Variants in ZNF585B observed in about 807,000 individuals in gnomAD.
ZNF585B encodes zinc finger protein 585B.
A neutral mutation model predicts 14.0 loss-of-function variants in ZNF585B; 7 were observed. That is an observed-to-expected ratio of 0.50 (90% confidence interval 0.28 to 0.94). ZNF585B has a LOEUF of 0.94. ZNF585B is among the 40% of genes least tolerant of loss of function. ZNF585B has a pLI of 0.09. For missense variants in ZNF585B, 750 were observed against 924.4 expected, an observed-to-expected ratio of 0.81 and a Z score of 2.45; for synonymous variants, 290 against 317.3, an observed-to-expected ratio of 0.91 and a Z score of 0.91.
rs2145429819 is a variant in ZNF585B, at chr19:37,185,665, A to T, written c.1872T>A (p.His624Gln). The T allele has an allele frequency of 1.2e-6, 2 of 1,613,508 alleles. No individual in the cohort carries two copies. The highest frequency in any genetic ancestry group is 1.7e-6 in the Non-Finnish European group (2 of 1,179,818). Residue 624 changes from histidine to glutamine, a missense_variant, in exon 5 of 5, where the codon CAT (histidine) becomes CAA (glutamine). Around this residue, in one of 2 missense-constraint regions of ZNF585B, gnomAD observed 233 missense variants for 354.1 expected, o/e 0.66. Coordinates refer to ENST00000532828, the MANE Select transcript of ZNF585B (RefSeq NM_152279.4). ...GTTTCTCTCCTGTGTGAACTGGCTGATGCACCAGGAGCTGAGACTTGGAGG... is the reference window on the plus strand; with the variant it reads ...GTTTCTCTCCTGTGTGAACTGGCTGTTGCACCAGGAGCTGAGACTTGGAGG... Reference protein sequence around the residue: ...SFTSKSQLLVHQPVHTGEKPY... With the variant: ...SFTSKSQLLVQQPVHTGEKPY...
At chr19:37,197,520 G>C (rs1294906501) in intron 2 of ZNF585B, among the ~76,000 whole-genome samples, 1 of 152,074 alleles carries the variant, frequency 6.6e-6, no homozygotes, top group Non-Finnish European at 1.5e-5. Context: ...TGGGTCAAAT[G>C]GTAATTCTAG....
At chr19:37,199,625 T>A (rs1341376076) in intron 2 of ZNF585B, 1 of 278,552 alleles carries the variant, frequency 3.6e-6, no homozygotes, top group Middle Eastern at 4.3e-4. Flanking sequence ...GCAAAAAGGA[T>A]AAAACAAAAA....
At position 37,186,560 on chromosome 19, in the gene ZNF585B, T is replaced by C. The variant is rs759652015; in HGVS notation, c.977A>G (p.Tyr326Cys). 9.3e-6 allele frequency: 15 copies of C among 1,614,138 alleles called. No individual in the cohort carries two copies. The highest frequency in any genetic ancestry group is 8.9e-5 in the East Asian group (4 of 44,898). ...GACCTTCCCATATTCGGTACATATA[T>C]AGGGCTTCACTCTTGTGTGAACACG... is the stretch of plus-strand genomic sequence containing the variant. ...HQRVHTRVKP[Y>C]ICTEYGKVFS... is the part of the protein sequence containing the mutation. The change falls in exon 5 of 5, where the codon TAT (tyrosine) becomes TGT (cysteine). Residue 326 changes from tyrosine to cysteine, a missense_variant. By Grantham distance (194) the Tyr-to-Cys change is radical (BLOSUM62 -2). Around this residue, in one of 2 missense-constraint regions of ZNF585B, gnomAD observed 517 missense variants for 570.3 expected, o/e 0.91. Transcript: ENST00000532828.
At chr19:37,199,404 A>T (rs1027616446) in intron 2 of ZNF585B, 7 of 420,444 alleles carry the variant, frequency 1.7e-5, no homozygotes, top group Non-Finnish European at 2.8e-5. Context: ...GCGTACCTGT[A>T]GTCCCAGCTA....
rs373787603 is a variant in ZNF585B at position 37,189,620 on chromosome 19, C to G, written c.292+41G>C. On this transcript the variant is annotated intron_variant, in intron 4 of 4. Transcript: ENST00000532828. ...CAAGACAGCTGAGATTTCCTCCTGT[C>G]TCCCATCTAACCTGAGTCACATTCA... 4.2e-4 allele frequency: 677 copies of G among 1,607,708 alleles called. 3 individuals carry two copies. The Middle Eastern group carries it at 0.013, about 30-fold the overall frequency.
chr19:37,198,920 T>C (rs1406656945), intron 2 of ZNF585B: 20 of 1,359,698 alleles, frequency 1.5e-5, no homozygotes, highest in Non-Finnish European at 2.0e-5. Context: ...TATGTAAAAT[T>C]ATGATTTTTG....
intron 2 of ZNF585B, among the ~76,000 whole-genome samples, chr19:37,194,622 A>C (rs2145437364): frequency 6.6e-6 from 1 of 152,292 alleles, no homozygotes; most frequent in East Asian, 1.9e-4. Context: ...TCAAAAACAA[A>C]CAAACAAACA....
In ZNF585B at chr19:37,186,502, C is replaced by T; in HGVS notation, c.1035G>A (p.Glu345=). 6.2e-7 allele frequency: 1 copy of T among 1,614,180 alleles called. No individual in the cohort carries two copies. The highest frequency in any genetic ancestry group is 8.5e-7 in the Non-Finnish European group (1 of 1,180,034). ...FSNNSNLITH[E]KIQSREKSSI... Reference sequence around the variant, plus strand: ...AAGATTTCTCTCTACTTTGAATCTTCTCATGTGTAATGAGGTTGGAATTAT... The same window carrying T: ...AAGATTTCTCTCTACTTTGAATCTTTTCATGTGTAATGAGGTTGGAATTAT... Residue 345 remains glutamate, a synonymous_variant, in exon 5 of 5, where the codon GAG becomes GAA. Coordinates refer to ENST00000532828, the MANE Select transcript of ZNF585B (RefSeq NM_152279.4).
In ZNF585B at chr19:37,186,168, T is replaced by C; in HGVS notation, c.1369A>G (p.Lys457Glu). 1 of 1,614,184 alleles carries C rather than the reference T, an allele frequency of 6.2e-7. No individual in the cohort carries two copies. The highest frequency in any genetic ancestry group is 8.5e-7 in the Non-Finnish European group (1 of 1,180,026). ...FTSKSQLHVHKRIHTGEKPYV... is the reference protein window; with the variant it reads ...FTSKSQLHVHERIHTGEKPYV... Reference sequence around the variant, plus strand: ...GGCTTTTCTCCTGTGTGAATTCGTTTATGAACATGGAGTTGTGACTTGGAA... The same window carrying C: ...GGCTTTTCTCCTGTGTGAATTCGTTCATGAACATGGAGTTGTGACTTGGAA... The change falls in exon 5 of 5, where the codon AAA becomes GAA. Residue 457 changes from lysine (K) to glutamate (E), a missense_variant. Lys to Glu is a moderately conservative substitution (Grantham distance 56). This residue lies in a region of ZNF585B where 517 missense variants were observed against 570.3 expected (regional missense o/e 0.91). Transcript: ENST00000532828.
chr19:37,184,428 A>AAGAAAGAG lies in ZNF585B; in HGVS notation c.*798_*799insCTCTTTCT, dbSNP rs59685400. 74 of 52,444 alleles carry AAGAAAGAG rather than the reference A, an allele frequency of 1.4e-3. 5 individuals carry two copies. The highest frequency in any genetic ancestry group is 0.012 in the East Asian group (27 of 2,324). The allele number at this position is 52,444 out of a possible 1,614,324, so 3.2% of individuals were successfully genotyped here. A position where few individuals can be genotyped will look rare whatever the true frequency, so the allele number is the denominator to read the frequency against. On this transcript the variant is annotated 3_prime_UTR_variant, in exon 5 of 5. Transcript: ENST00000532828. ...AGAAAGAAAGAAAGAGAAAGAAAGA[A>AAGAAAGAG]AAAGAAAGAAAGAAGGAAAGAAAGA... is the stretch of plus-strand genomic sequence containing the variant.
In ZNF585B at chr19:37,190,104, T is replaced by C. The variant is rs1318507931; in HGVS notation, c.119A>G (p.Glu40Gly). Residue 40 changes from glutamate (E) to glycine (G), a missense_variant, in exon 3 of 5, where the codon GAA becomes GGA. Glu to Gly is a moderately conservative substitution (Grantham distance 98). Coordinates refer to ENST00000532828, the MANE Select transcript of ZNF585B (RefSeq NM_152279.4). ...RDVAIDFSRE[E>G]WRHLDLSQRN... Reference sequence around the variant, plus strand: ...CTGAGAAAGGTCCAGGTGCCGCCATTCCTCTCTGCTGAAATCGATAGCCAC... The same window carrying C: ...CTGAGAAAGGTCCAGGTGCCGCCATCCCTCTCTGCTGAAATCGATAGCCAC... 5 of 1,614,028 alleles carry C rather than the reference T, an allele frequency of 3.1e-6. No homozygotes were observed.
chr19:37,192,536 C>T lies in ZNF585B; in HGVS notation c.73-2386G>A, dbSNP rs1277168584. On this transcript the variant is annotated intron_variant, in intron 2 of 4. Transcript: ENST00000532828. Reference sequence around the variant, plus strand: ...AAAAAAAAAATAAAATAAGGCCGGGCGCAGTGGCTCATGCCTGTAATCCCA... The same window carrying T: ...AAAAAAAAAATAAAATAAGGCCGGGTGCAGTGGCTCATGCCTGTAATCCCA... 5.3e-5 allele frequency among the ~76,000 whole-genome samples: 8 copies of T among 151,240 alleles called. No homozygotes were observed. The East Asian group carries it at 1.2e-3, about 22-fold the overall frequency.
chr19:37,185,461 G>A lies in ZNF585B; in HGVS notation c.2076C>T (p.Cys692=), dbSNP rs567112198. The change falls in exon 5 of 5, where the codon TGC becomes TGT. Residue 692 remains cysteine (C), a synonymous_variant. Coordinates refer to ENST00000532828, the MANE Select transcript of ZNF585B (RefSeq NM_152279.4). ...RIHTGEKPYE[C]SDCGKSFTKK... Reference sequence around the variant, plus strand: ...TAGTGAAAGACTTCCCACAGTCACTGCACTCATAAGGTTTCTCTCCAGTAT... The same window carrying A: ...TAGTGAAAGACTTCCCACAGTCACTACACTCATAAGGTTTCTCTCCAGTAT... 3.5e-5 allele frequency: 56 copies of A among 1,612,562 alleles called. No homozygotes were observed. In the Admixed American group the frequency reaches 9.0e-4, roughly 26 times the overall value.
chr19:37,194,744 T>C (rs913618240), intron 2 of ZNF585B, among the ~76,000 whole-genome samples: 1 of 152,200 alleles, frequency 6.6e-6, no homozygotes, highest in Admixed American at 6.6e-5. Context: ...AATTGATATT[T>C]ATAGACTACT....
At chr19:37,207,607 C>A (rs537955405) in intron 1 of ZNF585B, among the ~76,000 whole-genome samples, 182 of 152,224 alleles carry the variant, frequency 1.2e-3, no homozygotes, top group Non-Finnish European at 2.1e-3. Context: ...AGCTGTACCA[C>A]TTTTCAACAA....
Position 37,208,573 on chromosome 19 carries a change from A to C in ZNF585B, c.-143-1319T>G, listed in dbSNP as rs1044007066. ...CTTGCTTGTAATGTTAACTCTAAGC[A>C]ATCACTAAGCAAAAAAGGCCAAAAA... On this transcript the variant is annotated intron_variant, in intron 1 of 4. Transcript: ENST00000532828. 2.7e-5 allele frequency among the ~76,000 whole-genome samples: 4 copies of C among 145,462 alleles called. No homozygotes were observed. In the Admixed American group the frequency reaches 2.8e-4, roughly 10 times the overall value.
At chr19:37,192,852 A>G (rs1181898152) in intron 2 of ZNF585B, among the ~76,000 whole-genome samples, 3 of 151,200 alleles carry the variant, frequency 2.0e-5, no homozygotes, top group Non-Finnish European at 4.4e-5. Context: ...ATACACAATG[A>G]GGGCCGGGCA....
chr19:37,202,312 C>G (rs770094316), intron 2 of ZNF585B, among the ~76,000 whole-genome samples: 8 of 152,136 alleles, frequency 5.3e-5, no homozygotes, highest in Admixed American at 2.0e-4. Context: ...CTCATCTACT[C>G]TTGAATACAG....
Position 37,207,205 on chromosome 19 carries a change from G to A in ZNF585B, c.-94C>T, listed in dbSNP as rs1199995656. 6.4e-7 allele frequency: 1 copy of A among 1,574,160 alleles called. No homozygotes were observed. The highest frequency in any genetic ancestry group is 1.8e-5 in the Admixed American group (1 of 55,506). On this transcript the variant is annotated 5_prime_UTR_variant, in exon 2 of 5. Transcript: ENST00000532828. ...AGAGCTGCTCCGAAGAGGTGGGCTG[G>A]AGTCTGGAGGAAGGTCTGGCCCAGG...
Sources: allele counts gnomAD v4.1 joint callset (sites outside exome capture counted in the v4.1 genomes callset), GRCh38; gene constraint gnomAD v4.1.1; regional missense constraint gnomAD v4.1.1; transcripts MANE v1.5; gene names NCBI Gene and HGNC (gene_info 2026-07-23, HGNC 2026-07-21).